CACNG7: variants seen among roughly 807,000 people sequenced by gnomAD.
CACNG7 encodes the protein voltage-dependent calcium channel gamma-7 subunit.
A neutral mutation model predicts 26.3 loss-of-function variants in CACNG7; 9 were observed. The ratio of observed to expected loss-of-function variants is 0.34; its 90% confidence interval spans 0.21 to 0.60. The LOEUF (loss-of-function observed/expected upper bound fraction) is 0.60, where lower values mean the gene tolerates loss of function less well. Among genes scored for constraint, CACNG7 ranks in the 20% least tolerant of loss-of-function variants. The pLI is 0.81. For missense variants in CACNG7, 297 were observed against 380.4 expected (o/e 0.78, Z 1.82); for synonymous variants, 170 against 157.0 (o/e 1.08, Z -0.62).
intron 4 of CACNG7, among the ~76,000 whole-genome samples, chr19:53,936,756 C>A (rs1202227838): frequency 6.6e-6 from 1 of 152,042 alleles, no homozygotes; most frequent in East Asian, 1.9e-4. Flanking sequence ...TTACAGGCAC[C>A]CACCACCATG....
chr19:53,925,178 A>G (rs74182516), intron 4 of CACNG7, among the ~76,000 whole-genome samples: 13,665 of 43,568 alleles, frequency 0.31, 2,937 homozygotes, highest in African/African-American at 0.67. Flanking sequence ...GTCATTGGTG[A>G]AGTTGCCCCA....
chr19:53,922,092 TCCCCAGGCCTGGTCATTGGTGGAGTTG>T (rs2068962619), intron 4 of CACNG7, among the ~76,000 whole-genome samples: 2 of 99,052 alleles, frequency 2.0e-5, no homozygotes, highest in Non-Finnish European at 3.8e-5. Flanking sequence ...GGTGGAGTTG[TCCCCAGGCCTGGTCATTGGTGGAGTTG>T]CCCCAGGCCT....
chr19:53,920,885 T>TC (rs1423651386), intron 4 of CACNG7, among the ~76,000 whole-genome samples: 2 of 100,492 alleles, frequency 2.0e-5, no homozygotes, highest in African/African-American at 9.1e-5. Flanking sequence ...GGTGGAGTTG[T>TC]CCCAGGTCTG....
chr19:53,909,692 C>G lies in CACNG7; in HGVS notation c.-30+175C>G, dbSNP rs1422833322. Among the ~76,000 whole-genome samples the G allele has an allele frequency of 6.6e-6, 1 of 152,152 alleles. No homozygotes were observed. Among genetic ancestry groups the G allele is most frequent in the African/African-American group, 2.4e-5 (1 of 41,448 alleles). Reference sequence around the variant, plus strand: ...TGCAGGGACACCTGGGCCTGGCGATCCCGGAGGACGGGGTCCGAGGGTCCC... The same window carrying G: ...TGCAGGGACACCTGGGCCTGGCGATGCCGGAGGACGGGGTCCGAGGGTCCC... On this transcript the variant is annotated intron_variant, in intron 1 of 5. Transcript: ENST00000391767. The surrounding 1 kb of genome is among the most constrained non-coding windows in gnomAD (Gnocchi z 5.1).
chr19:53,942,115 A>G lies in CACNG7; in HGVS notation c.650A>G (p.Tyr217Cys), dbSNP rs2145921859. 1 of 1,613,844 alleles carries G rather than the reference A, an allele frequency of 6.2e-7. No homozygotes were observed. Among genetic ancestry groups the G allele is most frequent in the Non-Finnish European group, 8.5e-7 (1 of 1,179,906 alleles). Residue 217 changes from tyrosine to cysteine, a missense_variant, in exon 6 of 6, where the codon TAC becomes TGC. By Grantham distance (194) the Tyr-to-Cys change is radical. Coordinates refer to ENST00000391767, the MANE Select transcript of CACNG7 (RefSeq NM_031896.5). This position sits in a 1 kb window ranked among gnomAD's most constrained non-coding sequence, Gnocchi z 5.9. ...ATGTACCGTCCACACCCGGCCTTCTACCGCCCGCGTCTCAGCGACTGCTCC... is the reference window on the plus strand; with the variant it reads ...ATGTACCGTCCACACCCGGCCTTCTGCCGCCCGCGTCTCAGCGACTGCTCC... ...EEMYRPHPAF[Y>C]RPRLSDCSDY...
chr19:53,935,788 C>A lies in CACNG7; in HGVS notation c.425-5682C>A, dbSNP rs2069101687. On this transcript the variant is annotated intron_variant, in intron 4 of 5. Transcript: ENST00000391767. ...CCCAAGTAGCTGGGATTACAGGCAC[C>A]CACCACCATGCCCAGCTAATTTTTG... Among the ~76,000 whole-genome samples the A allele has an allele frequency of 4.0e-5, 6 of 151,594 alleles. No homozygotes were observed. In the South Asian group the frequency reaches 1.3e-3, roughly 32 times the overall value.
chr19:53,913,385 G>GTTGAGA (rs2068873067), intron 2 of CACNG7, among the ~76,000 whole-genome samples: 1 of 151,994 alleles, frequency 6.6e-6, no homozygotes, highest in Non-Finnish European at 1.5e-5. Context: ...ACTTTGGGAG[G>GTTGAGA]CCAAGGCAGG....
At chr19:53,915,042 G>T (rs1053936805) in intron 3 of CACNG7, among the ~76,000 whole-genome samples, 2 of 150,842 alleles carry the variant, frequency 1.3e-5, no homozygotes, top group African/African-American at 4.9e-5. Flanking sequence ...AAGAAAGAAA[G>T]AAGGCAAGGC....
chr19:53,925,256 T>C lies in CACNG7; in HGVS notation c.424+9751T>C, dbSNP rs546790548. ...GACTTGCCCCAGGTCTGGTCATTGG[T>C]GGAGTTGCCCCAGGTCTGGTCATTG... On this transcript the variant is annotated intron_variant, in intron 4 of 5. Coordinates refer to ENST00000391767, the MANE Select transcript of CACNG7 (RefSeq NM_031896.5). Among the ~76,000 whole-genome samples the C allele has an allele frequency of 1.1e-3, 154 of 136,598 alleles. 1 individual carries two copies. Among genetic ancestry groups the C allele is most frequent in the African/African-American group, 4.1e-3 (147 of 35,610 alleles). 89.6% of individuals were successfully genotyped at this position (136,598 alleles called of 152,430 possible). A position where few individuals can be genotyped will look rare whatever the true frequency, so the allele number is the denominator to read the frequency against.
intron 4 of CACNG7, among the ~76,000 whole-genome samples, chr19:53,930,599 T>A (rs1350437837): frequency 6.6e-6 from 1 of 152,122 alleles, no homozygotes; most frequent in Non-Finnish European, 1.5e-5. Flanking sequence ...GGTCTTGAAC[T>A]CCTGACCTCA....
intron 4 of CACNG7, among the ~76,000 whole-genome samples, chr19:53,935,006 T>C (rs1306094986): frequency 6.6e-6 from 1 of 151,974 alleles, no homozygotes; most frequent in African/African-American, 2.4e-5. Context: ...CATATATATA[T>C]ATAGATCTAT....
intron 2 of CACNG7, 24 bp from the exon 3 acceptor site, chr19:53,914,476 C>T: frequency 1.9e-6 from 3 of 1,608,338 alleles, no homozygotes; most frequent in East Asian, 2.2e-5. Context: ...CTCATCCAGC[C>T]CTGTCTGTTT....
At chr19:53,934,443 A>G (rs1484206154) in intron 4 of CACNG7, among the ~76,000 whole-genome samples, 2 of 152,220 alleles carry the variant, frequency 1.3e-5, no homozygotes, top group African/African-American at 2.4e-5. Context: ...GGTGTCCATC[A>G]GAGCTCCCCA....
At chr19:53,914,651 G>A in intron 3 of CACNG7, 65 bp downstream of exon 3, 1 of 1,410,628 alleles carries the variant, frequency 7.1e-7, no homozygotes. Flanking sequence ...TGGAGTCCTG[G>A]GAGGGGGCAG....
intron 2 of CACNG7, among the ~76,000 whole-genome samples, chr19:53,913,706 T>A (rs138433425): frequency 4.7e-4 from 70 of 147,508 alleles, no homozygotes; most frequent in African/African-American, 1.6e-3. Flanking sequence ...ATTGCTTGTG[T>A]CCAGGAGTTC....
chr19:53,910,374 A>C (rs1399975305), intron 1 of CACNG7, among the ~76,000 whole-genome samples: 1 of 34,630 alleles, frequency 2.9e-5, no homozygotes, highest in African/African-American at 1.2e-4. Context: ...GGGGGGAAGG[A>C]GGGGGGATCT....
intron 4 of CACNG7, among the ~76,000 whole-genome samples, chr19:53,924,265 G>A (rs1445502453): frequency 6.7e-6 from 1 of 148,554 alleles, no homozygotes; most frequent in African/African-American, 2.5e-5. Flanking sequence ...CCCCAGGTCT[G>A]GTCATTGGTG....
At chr19:53,934,582 G>A (rs965555615) in intron 4 of CACNG7, among the ~76,000 whole-genome samples, 11 of 151,822 alleles carry the variant, frequency 7.2e-5, no homozygotes, top group Middle Eastern at 6.8e-3. Flanking sequence ...TGAGACCAGC[G>A]TGGTCAACAT....
chr19:53,941,332 C>A, intron 4 of CACNG7, 138 bp from the exon 5 acceptor site: 2 of 967,420 alleles, frequency 2.1e-6, no homozygotes, highest in South Asian at 2.2e-5. Context: ...TGCACCCAAC[C>A]AAGGCCCAGC....
Sources: gnomAD v4.1 joint callset for allele counts (sites outside exome capture counted in the v4.1 genomes callset) on GRCh38, gnomAD v4.1.1 for gene constraint, Gnocchi (gnomAD v3.1) non-coding constraint, MANE v1.5 for transcripts, NCBI Gene and HGNC (gene_info 2026-07-23, HGNC 2026-07-21) for gene names.